The following HAUS6 variants were observed in gnomAD, a reference collection of about 807,000 sequenced individuals.
The protein encoded by HAUS6 is HAUS augmin-like complex subunit 6.
In HAUS6, 80 loss-of-function variants were observed where a neutral mutation model predicts 106.8. The observed-to-expected ratio is 0.75, with a 90% CI of 0.63 to 0.90. HAUS6 has a LOEUF of 0.90. HAUS6 is among the 40% of genes least tolerant of loss of function. The probability of loss-of-function intolerance (pLI) is 0.00; values close to 1 mark genes in which losing one functional copy is unlikely to be tolerated. For missense variants in HAUS6, 1,155 were observed against 1,118.1 expected (o/e 1.03, Z -0.47); for synonymous variants, 356 against 379.1 (o/e 0.94, Z 0.71).
In HAUS6 at chr9:19,087,146, T is replaced by A; in HGVS notation, c.595A>T (p.Lys199Ter). 1 of 1,499,612 alleles carries A rather than the reference T, an allele frequency of 6.7e-7. No individual in the cohort carries two copies. Among genetic ancestry groups the A allele is most frequent in the Non-Finnish European group, 9.3e-7 (1 of 1,076,316 alleles). 92.9% of individuals were successfully genotyped at this position (1,499,612 alleles called of 1,614,324 possible). Reference sequence around the variant, plus strand: ...TCAGATCTCAAGTTTCGTACCTGCTTAACTGATAATCTGCAAGAAAACATA... The same window carrying A: ...TCAGATCTCAAGTTTCGTACCTGCTAAACTGATAATCTGCAAGAAAACATA... ...KYQENAQLSV[K>*]QVRNLRSECI... Residue 199 changes from lysine (K) to a stop codon, truncating the protein, a stop_gained, in exon 6 of 17, where the codon AAG becomes TAG. Transcript: ENST00000380502. LOFTEE classifies it high-confidence loss of function.
rs770680634 is a variant in HAUS6, at chr9:19,063,099, G to A, written c.1538C>T (p.Ala513Val). ...EVENSPLSDV[A>V]KNTESSAFGG... ...AAATGCACTACTCTCTGTATTCTTT[G>A]CAACATCTGATAATGGAGAATTTTC... Residue 513 changes from alanine (A) to valine (V), a missense_variant, in exon 14 of 17, where the codon GCA becomes GTA. Transcript: ENST00000380502. 1 of 1,604,088 alleles carries A rather than the reference G, an allele frequency of 6.2e-7. No individual in the cohort carries two copies. The highest frequency in any genetic ancestry group is 1.1e-5 in the South Asian group (1 of 90,240).
chr9:19,076,792 CT>C (rs199977722), intron 10 of HAUS6, 88 bp from the exon 11 acceptor site: 27,115 of 658,874 alleles, frequency 0.041, 678 homozygotes, highest in Non-Finnish European at 0.052. Flanking sequence ...AATAGATTAT[CT>C]TCTCAATAAG....
At chr9:19,095,091 A>C (rs971516178) in intron 2 of HAUS6, among the ~76,000 whole-genome samples, 24 of 152,064 alleles carry the variant, frequency 1.6e-4, no homozygotes, top group Admixed American at 1.4e-3. Context: ...ATAAACAGAT[A>C]TATATGAAGA....
chr9:19,084,656 A>C (rs977388276), intron 7 of HAUS6, among the ~76,000 whole-genome samples: 3 of 150,008 alleles, frequency 2.0e-5, no homozygotes, highest in Non-Finnish European at 4.4e-5. Flanking sequence ...TTTTTGAAAC[A>C]AGGTCTCACT....
Position 19,056,137 on chromosome 9 carries a change from A to T in HAUS6, c.*206T>A, listed in dbSNP as rs111523708. 1 of 429,054 alleles carries T rather than the reference A, an allele frequency of 2.3e-6. No individual in the cohort carries two copies. The highest frequency in any genetic ancestry group is 4.1e-6 in the Non-Finnish European group (1 of 243,772). 26.6% of individuals were successfully genotyped at this position (429,054 alleles called of 1,614,324 possible). A position where few individuals can be genotyped will look rare whatever the true frequency, so the allele number is the denominator to read the frequency against. On this transcript the variant is annotated 3_prime_UTR_variant, in exon 17 of 17. Coordinates refer to ENST00000380502, the MANE Select transcript of HAUS6 (RefSeq NM_017645.5). ...TGTTGTCCAAATACTTCACATTTCA[A>T]TCTCATATACCTACAAAGAGGAAAA...
At chr9:19,094,780 C>CA (rs777365152) in intron 2 of HAUS6, among the ~76,000 whole-genome samples, 29 of 150,780 alleles carry the variant, frequency 1.9e-4, no homozygotes, top group Non-Finnish European at 3.5e-4. Flanking sequence ...GACCCTGTCT[C>CA]AAAAGAAAAA....
intron 9 of HAUS6, among the ~76,000 whole-genome samples, chr9:19,080,141 T>G (rs2131131735): frequency 7.8e-6 from 1 of 128,706 alleles, no homozygotes; most frequent in East Asian, 2.3e-4. Context: ...GCCATTGCAC[T>G]CTAGCCTGGG....
rs2131088240 is a variant in HAUS6, at chr9:19,053,614, A to T, written c.*2729T>A. 6.6e-6 allele frequency: 1 copy of T among 152,324 alleles called. No individual in the cohort carries two copies. Among genetic ancestry groups the T allele is most frequent in the East Asian group, 1.9e-4 (1 of 5,192 alleles). 9.4% of individuals were successfully genotyped at this position (152,324 alleles called of 1,614,324 possible). A position where few individuals can be genotyped will look rare whatever the true frequency, so the allele number is the denominator to read the frequency against. On this transcript the variant is annotated 3_prime_UTR_variant, in exon 17 of 17. Coordinates refer to ENST00000380502, the MANE Select transcript of HAUS6 (RefSeq NM_017645.5). ...CTCTTTAAACATTTAAAATAATTAG[A>T]ACATTTTAGCATTATCTCAGGTTTC...
intron 12 of HAUS6, among the ~76,000 whole-genome samples, chr9:19,068,164 C>CACCA: frequency 6.6e-6 from 1 of 152,170 alleles, no homozygotes; most frequent in Admixed American, 6.5e-5. Context: ...GTTTGGGAAG[C>CACCA]ACCAACCATA....
chr9:19,087,226 T>C (rs1837319886), intron 5 of HAUS6, 70 bp from the exon 6 acceptor site: 3 of 891,132 alleles, frequency 3.4e-6, no homozygotes, highest in Non-Finnish European at 5.7e-6. Context: ...ACTTCTCTAT[T>C]TTCCCTTTGC....
intron 10 of HAUS6, among the ~76,000 whole-genome samples, chr9:19,077,436 G>A (rs948569057): frequency 1.3e-5 from 2 of 152,272 alleles, no homozygotes; most frequent in Non-Finnish European, 2.9e-5. Flanking sequence ...TTGGGAGGCC[G>A]AGGCAGTAGA....
At chr9:19,082,248 C>T (rs1303953057) in intron 8 of HAUS6, among the ~76,000 whole-genome samples, 1 of 152,152 alleles carries the variant, frequency 6.6e-6, no homozygotes, top group Non-Finnish European at 1.5e-5. Flanking sequence ...TTTAAAAGGA[C>T]ATTTGGCAAT....
At position 19,078,177 on chromosome 9, in the gene HAUS6, G is replaced by T. The variant is rs748828305; in HGVS notation, c.1190C>A (p.Pro397Gln). The T allele has an allele frequency of 5.0e-6, 8 of 1,603,766 alleles. No homozygotes were observed. The Admixed American group carries it at 6.7e-5, about 14-fold the overall frequency. The change falls in exon 10 of 17, where the codon CCA becomes CAA. Residue 397 changes from proline to glutamine, a missense_variant and splice_region_variant. Around this residue, in one of 3 missense-constraint regions of HAUS6, gnomAD observed 761 missense variants for 690.0 expected, o/e 1.10. Transcript: ENST00000380502. The part of the protein sequence containing the change: ...SPFSLIKGWT[P>Q]SVDLLPPMSP... The stretch of plus-strand genomic sequence containing the variant: ...CAGGGGCAAGTCAACATTACTTACT[G>T]GAGTCCAACCTTTAATTAGACTGAA...
rs1411798925 is a variant in HAUS6 at position 19,054,344 on chromosome 9, A to G, written c.*1999T>C. ...GAATTTTAGGCAAGGAAGTGACCCA[A>G]TCAAAACAGTTCCTTAAGATCAAAA... On this transcript the variant is annotated 3_prime_UTR_variant, in exon 17 of 17. Transcript: ENST00000380502. 1.3e-5 allele frequency: 2 copies of G among 152,216 alleles called. No individual in the cohort carries two copies. Among genetic ancestry groups the G allele is most frequent in the Non-Finnish European group, 2.9e-5 (2 of 68,032 alleles). The allele number at this position is 152,216 out of a possible 1,614,324, so 9.4% of individuals were successfully genotyped here.
chr9:19,084,623 TTTTTC>T (rs1292701067), intron 7 of HAUS6, among the ~76,000 whole-genome samples: 1 of 147,592 alleles, frequency 6.8e-6, no homozygotes, highest in Non-Finnish European at 1.5e-5. Flanking sequence ...TAGTTCACTT[TTTTTC>T]TTTTTTCTTT....
At chr9:19,089,606 G>C (rs1817703001) in intron 4 of HAUS6, 47 bp from the exon 5 acceptor site, 2 of 1,438,838 alleles carry the variant, frequency 1.4e-6, no homozygotes, top group Non-Finnish European at 1.9e-6. Flanking sequence ...TGGTCTGATA[G>C]TAGTGGGTTA....
Position 19,060,556 on chromosome 9 carries a change from C to T in HAUS6, c.1630-333G>A, listed in dbSNP as rs114244148. On this transcript the variant is annotated intron_variant, in intron 14 of 16. Coordinates refer to ENST00000380502, the MANE Select transcript of HAUS6 (RefSeq NM_017645.5). ...AGCTGCTGTCTGCCACAACTGTGAG[C>T]TTGACAGCTCTGTATTCACTAAAAT... 6.7e-3 allele frequency among the ~76,000 whole-genome samples: 1,028 copies of T among 152,298 alleles called. 10 individuals carry two copies. The highest frequency in any genetic ancestry group is 0.024 in the African/African-American group (985 of 41,566).
intron 5 of HAUS6, among the ~76,000 whole-genome samples, chr9:19,088,700 G>A (rs1157881274): frequency 7.4e-5 from 11 of 148,116 alleles, no homozygotes; most frequent in Non-Finnish European, 7.4e-5. Context: ...AAACCCGGTC[G>A]CTACTATAAA....
chr9:19,072,001 TG>T (rs1021980400), intron 11 of HAUS6, among the ~76,000 whole-genome samples: 27 of 147,554 alleles, frequency 1.8e-4, no homozygotes, highest in African/African-American at 6.2e-4. Context: ...GTCAGGAGTT[TG>T]AGACCAGCCT....
Sources: allele counts gnomAD v4.1 joint callset (sites outside exome capture counted in the v4.1 genomes callset), GRCh38; gene constraint gnomAD v4.1.1; regional missense constraint gnomAD v4.1.1; transcripts MANE v1.5; gene names NCBI Gene and HGNC (gene_info 2026-07-23, HGNC 2026-07-21).